The following GLIS3 variants were observed in gnomAD, a reference collection of about 807,000 sequenced individuals.
The protein encoded by GLIS3 is zinc finger protein GLIS3.
In GLIS3, 53 loss-of-function variants were observed where a neutral mutation model predicts 78.6. That is an observed-to-expected ratio of 0.67 (90% CI 0.54 to 0.85). GLIS3 has a LOEUF of 0.85. Among genes scored for constraint, GLIS3 ranks in the 40% least tolerant of loss-of-function variants. GLIS3 has a pLI of 0.00. For synonymous variants in GLIS3, 684 were observed against 509.9 expected (o/e 1.34, Z -4.60); for missense variants, 1,703 against 1,231.1 (o/e 1.38, Z -5.74).
At chr9:4,366,416 G>A in the GLIS3 span, among the ~76,000 whole-genome samples, 1 of 152,158 alleles carries the variant, frequency 6.6e-6, no homozygotes, top group East Asian at 1.9e-4. Flanking sequence ...TGGGATGGGA[G>A]GAAAGGAGGC....
At chr9:4,375,680 T>G in the GLIS3 span, among the ~76,000 whole-genome samples, 1 of 152,220 alleles carries the variant, frequency 6.6e-6, no homozygotes, top group Admixed American at 6.5e-5. Context: ...AACATGCTCA[T>G]CATTGTCTAG....
chr9:3,846,235 G>A (rs1297493075), intron 9 of GLIS3, among the ~76,000 whole-genome samples: 4 of 152,148 alleles, frequency 2.6e-5, no homozygotes, highest in Non-Finnish European at 4.4e-5. Context: ...CAATTCCCAA[G>A]TAACTAAAAA....
At chr9:3,846,430 T>A (rs978751756) in intron 9 of GLIS3, among the ~76,000 whole-genome samples, 2 of 152,194 alleles carry the variant, frequency 1.3e-5, no homozygotes, top group African/African-American at 4.8e-5. Context: ...AGGTATCTGA[T>A]ACACAGTAGA....
the GLIS3 span, among the ~76,000 whole-genome samples, chr9:4,368,889 G>C: frequency 6.6e-6 from 1 of 152,090 alleles, no homozygotes; most frequent in Non-Finnish European, 1.5e-5. Context: ...GGCAATTTTG[G>C]TATTAAAAGA....
At position 4,197,527 on chromosome 9, in the gene GLIS3, C is replaced by T. The variant is rs554264997; in HGVS notation, c.389-71586G>A. 3.9e-5 allele frequency among the ~76,000 whole-genome samples: 6 copies of T among 152,308 alleles called. No homozygotes were observed. In the East Asian group the frequency reaches 1.2e-3, roughly 29 times the overall value. On this transcript the variant is annotated intron_variant, in intron 2 of 10. Transcript: ENST00000381971. ...CCAAGGAGGTTTCCCAGCTCCATGC[C>T]TAGGCACATATCTGGGCATTTGGTG...
At chr9:4,342,475 T>A (rs930935621) in intron 2 of GLIS3, among the ~76,000 whole-genome samples, 8 of 152,220 alleles carry the variant, frequency 5.3e-5, no homozygotes, top group Non-Finnish European at 1.0e-4. Flanking sequence ...ACCACTACCA[T>A]GCTATTTGGG....
intron 2 of GLIS3, among the ~76,000 whole-genome samples, chr9:4,235,619 C>T (rs1324266412): frequency 1.3e-5 from 2 of 152,104 alleles, no homozygotes; most frequent in Non-Finnish European, 2.9e-5. Context: ...TCCTGTCTGT[C>T]CTCTTTGGAA....
At chr9:4,437,402 C>CTGTATGTATGTATGTATGTATGTATGTA in the GLIS3 span, among the ~76,000 whole-genome samples, 2 of 124,338 alleles carry the variant, frequency 1.6e-5, no homozygotes, top group South Asian at 6.1e-4. Context: ...AGGTATTTGA[C>CTGTATGTATGTATGTATGTATGTATGTA]TGTATGTATG....
At chr9:4,065,995 G>A (rs1453977055) in intron 4 of GLIS3, among the ~76,000 whole-genome samples, 1 of 144,780 alleles carries the variant, frequency 6.9e-6, no homozygotes. Flanking sequence ...TAAATATATC[G>A]CTCTGCCTCC....
At chr9:4,141,089 C>G (rs1023510340) in intron 2 of GLIS3, among the ~76,000 whole-genome samples, 1 of 152,258 alleles carries the variant, frequency 6.6e-6, no homozygotes, top group African/African-American at 2.4e-5. Context: ...TGTGAGCCAC[C>G]GTGCCTGGCC....
At chr9:4,050,458 T>C (rs959858949) in intron 4 of GLIS3, among the ~76,000 whole-genome samples, 1 of 151,624 alleles carries the variant, frequency 6.6e-6, no homozygotes, top group East Asian at 1.9e-4. Context: ...TGGGTGGGGG[T>C]CTGGGGGAGG....
chr9:4,418,845 T>C, the GLIS3 span, among the ~76,000 whole-genome samples: 2 of 152,128 alleles, frequency 1.3e-5, no homozygotes, highest in African/African-American at 2.4e-5. Context: ...GAGAAAAGTA[T>C]TGTATGTAGG....
chr9:4,080,715 G>A (rs562314099), intron 4 of GLIS3, among the ~76,000 whole-genome samples: 3 of 152,282 alleles, frequency 2.0e-5, no homozygotes, highest in African/African-American at 7.2e-5. Flanking sequence ...GTAGTTGGCT[G>A]AAAACTGAAA....
At chr9:4,236,827 A>T (rs1822795238) in intron 2 of GLIS3, among the ~76,000 whole-genome samples, 1 of 152,228 alleles carries the variant, frequency 6.6e-6, no homozygotes, top group Non-Finnish European at 1.5e-5. Context: ...TGCAAACTGG[A>T]AAAACAAATC....
rs761815236 is a variant in GLIS3 at position 4,286,378 on chromosome 9, G to A, written c.48C>T (p.Thr16=). ...CACTGACCATCCTAGGCCCCTGTGG[G>A]GTTCCCGATGTCCGGTGGAGACTCA... The part of the protein sequence containing the change: ...CSMSLHRTSG[T]PQGPRMVSGH... The change falls in exon 2 of 11, where the codon ACC becomes ACT. Residue 16 remains threonine (T), a synonymous_variant. Transcript: ENST00000381971. 1.4e-5 allele frequency: 22 copies of A among 1,614,086 alleles called. No homozygotes were observed. In the African/African-American group the frequency reaches 2.7e-4, roughly 20 times the overall value.
At chr9:3,976,987 C>G (rs1454919763) in intron 4 of GLIS3, among the ~76,000 whole-genome samples, 2 of 151,144 alleles carry the variant, frequency 1.3e-5, no homozygotes, top group East Asian at 1.9e-4. Flanking sequence ...ATAATCATGA[C>G]AGATGGCTCC....
At chr9:4,071,107 C>A (rs1235323225) in intron 4 of GLIS3, 1 of 152,154 alleles carries the variant, frequency 6.6e-6, no homozygotes, top group Non-Finnish European at 1.5e-5. Flanking sequence ...AGTTACCACT[C>A]AGGAATTAGC....
intron 8 of GLIS3, among the ~76,000 whole-genome samples, chr9:3,869,775 C>A (rs761122692): frequency 3.3e-5 from 5 of 152,118 alleles, no homozygotes; most frequent in Non-Finnish European, 5.9e-5. Context: ...TGGAGGTCAC[C>A]AGGAAACTTA....
chr9:4,359,021 G>A, the GLIS3 span, among the ~76,000 whole-genome samples: 1 of 152,128 alleles, frequency 6.6e-6, no homozygotes, highest in South Asian at 2.1e-4. Context: ...GACCATGGTG[G>A]CTTGTAGAGG....
Sources: allele counts gnomAD v4.1 joint callset (sites outside exome capture counted in the v4.1 genomes callset), GRCh38; gene constraint gnomAD v4.1.1; transcripts MANE v1.5; gene names NCBI Gene and HGNC (gene_info 2026-07-23, HGNC 2026-07-21).